Variants in DNAH6 observed in about 807,000 individuals in gnomAD.
DNAH6 encodes dynein axonemal heavy chain 6.
A neutral mutation model predicts 491.4 loss-of-function variants in DNAH6; 340 were observed. That is an observed-to-expected ratio of 0.69 (90% CI 0.63 to 0.76). DNAH6 has a LOEUF of 0.76. Ranked by LOEUF, DNAH6 falls within the 30% of genes least tolerant of loss-of-function variation. The pLI is 0.00. For synonymous variants in DNAH6, 1,603 were observed against 1,686.1 expected (o/e 0.95, Z 1.21); for missense variants, 4,443 against 4,972.2 (o/e 0.89, Z 3.20).
chr2:84,592,779 C>G (rs1182745691), intron 16 of DNAH6, among the ~76,000 whole-genome samples: 1 of 152,106 alleles, frequency 6.6e-6, no homozygotes, highest in Admixed American at 6.5e-5. Flanking sequence ...CCTGCTGTGC[C>G]ACAGCATGGA....
At chr2:84,463,586 A>G in the DNAH6 span, among the ~76,000 whole-genome samples, 1 of 152,164 alleles carries the variant, frequency 6.6e-6, no homozygotes, top group African/African-American at 2.4e-5. Context: ...GCATATACAT[A>G]TATCCCTTCC....
At chr2:84,813,193 G>A in intron 74 of DNAH6, 63 bp downstream of exon 74, 1 of 1,204,524 alleles carries the variant, frequency 8.3e-7, no homozygotes, top group Non-Finnish European at 1.2e-6. Context: ...ACAGGGTTTT[G>A]AGGTGCTGGG....
chr2:84,759,684 A>T (rs1559007715), intron 63 of DNAH6, among the ~76,000 whole-genome samples: 1 of 152,204 alleles, frequency 6.6e-6, no homozygotes. Flanking sequence ...TAAAATGACC[A>T]TACTGTCCAG....
At position 84,686,065 on chromosome 2, in the gene DNAH6, A is replaced by G. The variant is rs1379823162; in HGVS notation, c.7064-419A>G. 1.3e-5 allele frequency among the ~76,000 whole-genome samples: 2 copies of G among 151,966 alleles called. 1 individual carries two copies. The highest frequency in any genetic ancestry group is 3.9e-4 in the East Asian group (2 of 5,176). ...TAGCTGGGTGTGGTGGTGTGCACCT[A>G]TAATCTCAGCTACTCAGGAGGCTGA... On this transcript the variant is annotated intron_variant, in intron 43 of 76. Coordinates refer to ENST00000389394, the MANE Select transcript of DNAH6 (RefSeq NM_001370.2).
chr2:84,582,924 G>A (rs1475596412), intron 14 of DNAH6, among the ~76,000 whole-genome samples: 2 of 152,216 alleles, frequency 1.3e-5, no homozygotes, highest in African/African-American at 2.4e-5. Flanking sequence ...CAAGAGAAAG[G>A]TCAGACTGAG....
intron 64 of DNAH6, chr2:84,777,693 G>C: frequency 1.2e-6 from 1 of 817,092 alleles, no homozygotes; most frequent in Non-Finnish European, 2.2e-6. Flanking sequence ...ACCTACCCAT[G>C]ACAGCTTAAT....
At chr2:84,658,897 A>G in intron 36 of DNAH6, 129 bp from the exon 37 acceptor site, 1 of 562,480 alleles carries the variant, frequency 1.8e-6, no homozygotes, top group Non-Finnish European at 3.0e-6. Context: ...AAGTATAAGA[A>G]ATATACACTG....
At chr2:84,675,721 C>A (rs894183203) in intron 40 of DNAH6, among the ~76,000 whole-genome samples, 14 of 152,172 alleles carry the variant, frequency 9.2e-5, no homozygotes, top group African/African-American at 3.4e-4. Context: ...TGCACTGGCA[C>A]AATAGAGGCT....
At chr2:84,486,764 A>G in the DNAH6 span, among the ~76,000 whole-genome samples, 1 of 152,208 alleles carries the variant, frequency 6.6e-6, no homozygotes, top group Non-Finnish European at 1.5e-5. Context: ...CATATGCAAT[A>G]GAAGAACAAA....
intron 51 of DNAH6, among the ~76,000 whole-genome samples, chr2:84,704,557 T>C (rs1298782591): frequency 1.3e-5 from 2 of 152,178 alleles, no homozygotes; most frequent in Non-Finnish European, 2.9e-5. Context: ...TTCATTGCAA[T>C]GTGAGAGTTG....
At chr2:84,786,746 C>T (rs1226827864) in intron 67 of DNAH6, among the ~76,000 whole-genome samples, 1 of 152,112 alleles carries the variant, frequency 6.6e-6, no homozygotes, top group Non-Finnish European at 1.5e-5. Context: ...CTGTGTGTGG[C>T]ATAACTGAAA....
the DNAH6 span, among the ~76,000 whole-genome samples, chr2:84,481,967 C>T: frequency 6.6e-6 from 1 of 152,200 alleles, no homozygotes; most frequent in Admixed American, 6.5e-5. Flanking sequence ...TCTGCCCCTA[C>T]ACATTCCTCT....
chr2:84,624,537 G>A lies in DNAH6; in HGVS notation c.4270G>A (p.Val1424Met). 2 of 1,551,822 alleles carry A rather than the reference G, an allele frequency of 1.3e-6. No homozygotes were observed. The highest frequency in any genetic ancestry group is 1.7e-6 in the Non-Finnish European group (2 of 1,146,980). Residue 1424 changes from valine (V) to methionine (M), a missense_variant, in exon 28 of 77, where the codon GTG (valine) becomes ATG (methionine). Val to Met is a conservative substitution (Grantham distance 21, BLOSUM62 1). This residue lies in a region of DNAH6 where 2,977 missense variants were observed against 3,296.6 expected (regional missense o/e 0.90). Coordinates refer to ENST00000389394, the MANE Select transcript of DNAH6 (RefSeq NM_001370.2). ...CTGGGATATAGACCTGGATAATTGT[G>A]TGGCTAGAATGGCGCTCTCTCAGTA... The part of the protein sequence containing the change: ...YYWDIDLDNC[V>M]ARMALSQYTY...
chr2:84,609,368 C>T (rs1686090240), intron 21 of DNAH6, among the ~76,000 whole-genome samples: 1 of 152,074 alleles, frequency 6.6e-6, no homozygotes, highest in African/African-American at 2.4e-5. Context: ...TTAATCATTT[C>T]TAACTTTTAA....
chr2:84,653,904 T>G (rs1558859752), intron 34 of DNAH6, 30 bp downstream of exon 34: 2 of 1,493,998 alleles, frequency 1.3e-6, no homozygotes, highest in East Asian at 2.5e-5. Flanking sequence ...TGGAGTGAAA[T>G]CATTCATTAA....
chr2:84,611,941 G>A (rs1453770166), intron 22 of DNAH6, 87 bp downstream of exon 22: 3 of 1,209,654 alleles, frequency 2.5e-6, no homozygotes, highest in Non-Finnish European at 3.4e-6. Flanking sequence ...GTTTCTCTGG[G>A]AATCTAATAA....
At chr2:84,518,802 A>C (rs909424412) in intron 2 of DNAH6, among the ~76,000 whole-genome samples, 4 of 152,250 alleles carry the variant, frequency 2.6e-5, no homozygotes, top group Non-Finnish European at 4.4e-5. Context: ...AAATGAACAA[A>C]AATGAACAAA....
intron 18 of DNAH6, among the ~76,000 whole-genome samples, chr2:84,603,543 G>A (rs1270124814): frequency 6.6e-6 from 1 of 152,106 alleles, no homozygotes; most frequent in African/African-American, 2.4e-5. Context: ...GCAGAGGTGA[G>A]AAGGAACATT....
At chr2:84,687,730 A>G (rs759403249) in intron 44 of DNAH6, among the ~76,000 whole-genome samples, 10 of 151,880 alleles carry the variant, frequency 6.6e-5, no homozygotes, top group African/African-American at 1.2e-4. Flanking sequence ...GCTACATACA[A>G]TAGAGAAGGG....
Sources: gnomAD v4.1 joint callset for allele counts (sites outside exome capture counted in the v4.1 genomes callset) on GRCh38, gnomAD v4.1.1 for gene constraint, gnomAD v4.1.1 regional missense constraint, MANE v1.5 for transcripts, NCBI Gene and HGNC (gene_info 2026-07-23, HGNC 2026-07-21) for gene names.